The following EXOC4 variants were observed in gnomAD, a reference collection of about 807,000 sequenced individuals.
The protein encoded by EXOC4 is SEC8-like 1.
In EXOC4, 71 loss-of-function variants were observed where a neutral mutation model predicts 107.2. That is an observed-to-expected ratio of 0.66 (90% CI 0.55 to 0.81). The LOEUF is 0.81. EXOC4 is among the 30% of genes least tolerant of loss of function. The probability of loss-of-function intolerance (pLI) is 0.00; values close to 1 mark genes in which losing one functional copy is unlikely to be tolerated. For synonymous variants in EXOC4, 456 were observed against 441.2 expected (o/e 1.03, Z -0.42); for missense variants, 1,108 against 1,189.6 (o/e 0.93, Z 1.01).
rs145536500 is a variant in EXOC4, at chr7:133,774,167, A to G, written c.1515-43158A>G. 9.2e-5 allele frequency among the ~76,000 whole-genome samples: 14 copies of G among 152,222 alleles called. No homozygotes were observed. In the East Asian group the frequency reaches 1.5e-3, roughly 17 times the overall value. ...CAGCCAGGGCAGAGTTGGGAAGGCT[A>G]CAGGATTGTAGGCCATTAACATCCC... is the stretch of plus-strand genomic sequence containing the variant. On this transcript the variant is annotated intron_variant, in intron 10 of 17. Transcript: ENST00000253861.
intron 10 of EXOC4, among the ~76,000 whole-genome samples, chr7:133,766,209 T>C (rs1176135841): frequency 6.6e-6 from 1 of 152,016 alleles, no homozygotes; most frequent in African/African-American, 2.4e-5. Context: ...ATAATTACTA[T>C]GTAAGAACTA....
the EXOC4 span, among the ~76,000 whole-genome samples, chr7:134,080,467 A>G: frequency 1.3e-5 from 2 of 152,038 alleles, no homozygotes; most frequent in Non-Finnish European, 2.9e-5. Flanking sequence ...ACCACTAAGG[A>G]GTTTTAAGCA....
intron 10 of EXOC4, among the ~76,000 whole-genome samples, chr7:133,781,677 GA>G (rs1796470733): frequency 7.9e-5 from 12 of 152,162 alleles, no homozygotes; most frequent in Non-Finnish European, 1.5e-4. Flanking sequence ...TATGTCCCCA[GA>G]GAGTCTGCCT....
intron 17 of EXOC4, among the ~76,000 whole-genome samples, chr7:134,039,905 A>C (rs78333645): frequency 6.6e-6 from 1 of 152,200 alleles, no homozygotes; most frequent in Non-Finnish European, 1.5e-5. Flanking sequence ...AGCTTCATTA[A>C]CTTGGATTTT....
intron 7 of EXOC4, among the ~76,000 whole-genome samples, chr7:133,375,845 A>G (rs1035182407): frequency 1.3e-5 from 2 of 152,204 alleles, no homozygotes; most frequent in African/African-American, 4.8e-5. Context: ...GATATTTAGA[A>G]ATTGTATTAT....
At chr7:133,945,785 T>A (rs1036144046) in intron 14 of EXOC4, among the ~76,000 whole-genome samples, 1 of 152,224 alleles carries the variant, frequency 6.6e-6, no homozygotes, top group Non-Finnish European at 1.5e-5. Context: ...TGAGATGGAA[T>A]GTGAATATTC....
intron 14 of EXOC4, among the ~76,000 whole-genome samples, chr7:133,987,920 G>A (rs1014092274): frequency 5.3e-5 from 8 of 152,178 alleles, no homozygotes; most frequent in Admixed American, 2.0e-4. Flanking sequence ...GCTCTTCTGG[G>A]TCTGAATGAG....
intron 14 of EXOC4, among the ~76,000 whole-genome samples, chr7:133,965,948 T>C (rs1801056248): frequency 6.6e-6 from 1 of 152,250 alleles, no homozygotes; most frequent in Admixed American, 6.5e-5. Context: ...TGATTCTTCC[T>C]ATCCATAAGC....
chr7:133,401,485 A>AC (rs1797088569), intron 7 of EXOC4, among the ~76,000 whole-genome samples: 1 of 151,442 alleles, frequency 6.6e-6, no homozygotes, highest in South Asian at 2.1e-4. Context: ...ATATACTGAG[A>AC]CCCCCTTCTC....
At position 133,255,824 on chromosome 7, in the gene EXOC4, G is replaced by A. The variant is rs567994738; in HGVS notation, c.86+2637G>A. On this transcript the variant is annotated intron_variant, in intron 1 of 17. Coordinates refer to ENST00000253861, the MANE Select transcript of EXOC4 (RefSeq NM_021807.4). ...ATGGAAGTATTACTTTGGTGTTTGG[G>A]ATGGGGAATGGGGGGAGAGTCCTGC... 2.0e-5 allele frequency among the ~76,000 whole-genome samples: 3 copies of A among 152,304 alleles called. No individual in the cohort carries two copies. The East Asian group carries it at 5.8e-4, about 29-fold the overall frequency.
At position 133,554,744 on chromosome 7, in the gene EXOC4, T is replaced by C. The variant is rs1006947008; in HGVS notation, c.1417+74606T>C. Among the ~76,000 whole-genome samples the C allele has an allele frequency of 1.8e-4, 28 of 152,326 alleles. 1 individual carries two copies. Among genetic ancestry groups the C allele is most frequent in the African/African-American group, 5.3e-4 (22 of 41,572 alleles). ...CCCAGTAGCTCCTTAGATGTAACAA[T>C]TGGCACATTGTATTATAATTTCGCA... On this transcript the variant is annotated intron_variant, in intron 9 of 17. Transcript: ENST00000253861.
At chr7:134,046,384 C>T (rs567187102) in intron 17 of EXOC4, among the ~76,000 whole-genome samples, 10 of 151,766 alleles carry the variant, frequency 6.6e-5, no homozygotes, top group African/African-American at 1.9e-4. Flanking sequence ...GCAGGAGAAT[C>T]GCTTGAACCT....
chr7:133,572,135 G>A (rs183971604), intron 9 of EXOC4, among the ~76,000 whole-genome samples: 12 of 152,308 alleles, frequency 7.9e-5, no homozygotes, highest in Admixed American at 7.8e-4. Flanking sequence ...GGTAGTGTTT[G>A]TGAATAAAGA....
At position 133,857,576 on chromosome 7, in the gene EXOC4, G is replaced by T. The variant is rs566842933; in HGVS notation, c.1735-38023G>T. 1.7e-3 allele frequency among the ~76,000 whole-genome samples: 262 copies of T among 150,658 alleles called. 4 individuals are homozygous for T. The highest frequency in any genetic ancestry group is 5.9e-3 in the African/African-American group (241 of 41,022). On this transcript the variant is annotated intron_variant, in intron 11 of 17. Coordinates refer to ENST00000253861, the MANE Select transcript of EXOC4 (RefSeq NM_021807.4). ...ACCCATGCCCACTGAGGGCAAGCCA[G>T]GCATGGAGCAGCGAGGGGTGTGTGC...
At chr7:133,632,430 A>G (rs766285912) in intron 10 of EXOC4, among the ~76,000 whole-genome samples, 14 of 152,220 alleles carry the variant, frequency 9.2e-5, no homozygotes, top group Non-Finnish European at 1.3e-4. Context: ...ACGGATGACT[A>G]TGATGGAGTT....
chr7:133,473,284 A>G (rs1421578661), intron 7 of EXOC4, among the ~76,000 whole-genome samples: 3 of 152,340 alleles, frequency 2.0e-5, no homozygotes, highest in South Asian at 2.1e-4. Flanking sequence ...ACTTATCATT[A>G]TATTATTTCA....
At chr7:133,743,040 G>A (rs1403798868) in intron 10 of EXOC4, among the ~76,000 whole-genome samples, 2 of 152,108 alleles carry the variant, frequency 1.3e-5, no homozygotes, top group Non-Finnish European at 2.9e-5. Context: ...TACTGTACAT[G>A]TGTGCTTCTG....
chr7:133,732,246 G>A (rs1457869792), intron 10 of EXOC4, among the ~76,000 whole-genome samples: 1 of 152,144 alleles, frequency 6.6e-6, no homozygotes, highest in African/African-American at 2.4e-5. Context: ...GAGAACACAT[G>A]AACCCAGAGA....
In EXOC4 at chr7:133,257,208, T is replaced by C. The variant is rs188944796; in HGVS notation, c.86+4021T>C. 6.9e-3 allele frequency among the ~76,000 whole-genome samples: 1,023 copies of C among 147,580 alleles called. 13 individuals are homozygous for C. The highest frequency in any genetic ancestry group is 0.02 in the Middle Eastern group (6 of 294). On this transcript the variant is annotated intron_variant, in intron 1 of 17. Transcript: ENST00000253861. ...CAACTGCAGCTTTTGGTTTTAAGTC[T>C]TGCCACTGGCCCTTTAAAATGGAAC...
Sources: allele counts gnomAD v4.1 joint callset (sites outside exome capture counted in the v4.1 genomes callset), GRCh38; gene constraint gnomAD v4.1.1; transcripts MANE v1.5; gene names NCBI Gene and HGNC (gene_info 2026-07-23, HGNC 2026-07-21).